SPPL2A: variants seen among roughly 807,000 people sequenced by gnomAD.
The protein encoded by SPPL2A is signal peptide peptidase-like 2A.
Under a neutral mutation model 63.8 loss-of-function variants are expected in SPPL2A, and 51 were observed. The observed-to-expected ratio is 0.80, with a 90% confidence interval of 0.64 to 1.01. The LOEUF (loss-of-function observed/expected upper bound fraction) is 1.01, where lower values mean the gene tolerates loss of function less well. Ranked by LOEUF, SPPL2A falls within the 50% of genes least tolerant of loss-of-function variation. SPPL2A has a pLI of 0.00. For synonymous variants in SPPL2A, 188 were observed against 205.8 expected, an observed-to-expected ratio of 0.91 and a Z score of 0.74; for missense variants, 553 against 622.7, an observed-to-expected ratio of 0.89 and a Z score of 1.19.
At chr15:50,708,904 GCAAGCGCCTGTAGTC>G (rs2062535312) in intron 14 of SPPL2A, among the ~76,000 whole-genome samples, 5 of 151,758 alleles carry the variant, frequency 3.3e-5, no homozygotes, top group Admixed American at 3.3e-4. Context: ...AGGCGTGGTG[GCAAGCGCCTGTAGTC>G]CCAGCTAATT....
intron 12 of SPPL2A, among the ~76,000 whole-genome samples, chr15:50,723,458 T>A (rs1371229278): frequency 6.6e-6 from 1 of 152,056 alleles, no homozygotes; most frequent in Non-Finnish European, 1.5e-5. Flanking sequence ...ATACACAGAC[T>A]GGAATACTAT....
Position 50,736,157 on chromosome 15 carries a change from G to C in SPPL2A, c.876C>G (p.Leu292=). 6.2e-7 allele frequency: 1 copy of C among 1,613,334 alleles called. No homozygotes were observed. Among genetic ancestry groups the C allele is most frequent in the Non-Finnish European group, 8.5e-7 (1 of 1,179,662 alleles). ...CAGCTACTGCTATGCACAGTCCAGA[G>C]AGAAAAATAAGTCTCACTTCCATGT... The part of the protein sequence containing the change: ...GKNMEVRLIF[L]SGLCIAVAVV... The change falls in exon 8 of 15, where the codon CTC becomes CTG. Residue 292 remains leucine, a synonymous_variant. Transcript: ENST00000261854.
At chr15:50,736,230 CT>C (rs761044727) in intron 7 of SPPL2A, 28 bp from the exon 8 acceptor site, 4 of 1,298,314 alleles carry the variant, frequency 3.1e-6, no homozygotes, top group Non-Finnish European at 3.4e-6. Flanking sequence ...ATAGTTAACA[CT>C]GCAGATGAAG....
chr15:50,760,633 T>G (rs962419341), intron 1 of SPPL2A, among the ~76,000 whole-genome samples: 3 of 152,122 alleles, frequency 2.0e-5, no homozygotes, highest in Non-Finnish European at 4.4e-5. Flanking sequence ...AACCTAATGA[T>G]TTCCTGAAGG....
intron 8 of SPPL2A, among the ~76,000 whole-genome samples, chr15:50,733,903 G>T (rs775795185): frequency 3.3e-5 from 5 of 151,964 alleles, no homozygotes; most frequent in Admixed American, 6.6e-5. Flanking sequence ...ACAGATATAT[G>T]AAAAAATGCT....
chr15:50,741,879 T>G (rs975625774), intron 5 of SPPL2A, among the ~76,000 whole-genome samples: 14 of 151,498 alleles, frequency 9.2e-5, no homozygotes, highest in African/African-American at 3.4e-4. Context: ...GGCAGCAGAA[T>G]CGCTTGAACC....
chr15:50,753,497 G>A (rs1046832814), intron 1 of SPPL2A, among the ~76,000 whole-genome samples: 7 of 152,152 alleles, frequency 4.6e-5, no homozygotes, highest in Non-Finnish European at 8.8e-5. Flanking sequence ...AGGATACAAT[G>A]CTAGTTTCAT....
intron 13 of SPPL2A, among the ~76,000 whole-genome samples, chr15:50,721,320 C>CGTG (rs2062644578): frequency 6.6e-6 from 1 of 152,208 alleles, no homozygotes; most frequent in African/African-American, 2.4e-5. Flanking sequence ...AGGCATGAGC[C>CGTG]ACCACGTCTG....
chr15:50,739,370 A>G (rs1453689955), intron 6 of SPPL2A, among the ~76,000 whole-genome samples: 2 of 151,582 alleles, frequency 1.3e-5, no homozygotes. Flanking sequence ...GTATAGATGG[A>G]GTTTCTCCAT....
intron 5 of SPPL2A, among the ~76,000 whole-genome samples, chr15:50,744,495 GCA>G (rs1330546110): frequency 6.6e-6 from 1 of 152,032 alleles, no homozygotes; most frequent in African/African-American, 2.4e-5. Flanking sequence ...TATGCTCTGG[GCA>G]CATTTTTTTC....
At chr15:50,710,684 T>C (rs969759316) in intron 14 of SPPL2A, among the ~76,000 whole-genome samples, 2 of 152,210 alleles carry the variant, frequency 1.3e-5, no homozygotes, top group African/African-American at 2.4e-5. Context: ...AATAGTCTAA[T>C]AAAACACTCA....
intron 1 of SPPL2A, among the ~76,000 whole-genome samples, chr15:50,763,912 C>T (rs2063035272): frequency 6.6e-6 from 1 of 151,908 alleles, no homozygotes; most frequent in African/African-American, 2.4e-5. Context: ...AAAACAAAAA[C>T]AACAACAAAA....
intron 14 of SPPL2A, among the ~76,000 whole-genome samples, chr15:50,709,600 G>A (rs2062541101): frequency 6.6e-6 from 1 of 152,022 alleles, no homozygotes; most frequent in African/African-American, 2.4e-5. Flanking sequence ...GACCAGCCTG[G>A]CCAACATGGT....
At chr15:50,710,845 G>A (rs10519284) in intron 14 of SPPL2A, among the ~76,000 whole-genome samples, 14,610 of 152,178 alleles carry the variant, frequency 0.096, 792 homozygotes, top group South Asian at 0.15. Context: ...TGTTTACTGG[G>A]TATCACAAAC....
intron 1 of SPPL2A, among the ~76,000 whole-genome samples, chr15:50,764,197 A>G (rs2063038030): frequency 6.6e-6 from 1 of 152,232 alleles, no homozygotes; most frequent in Non-Finnish European, 1.5e-5. Flanking sequence ...ATGAATGCAA[A>G]AACACTTTGA....
intron 6 of SPPL2A, among the ~76,000 whole-genome samples, chr15:50,738,161 G>C (rs1456771403): frequency 6.6e-6 from 1 of 151,988 alleles, no homozygotes; most frequent in Admixed American, 6.6e-5. Context: ...TCCAGCCTGG[G>C]TGACAGAGCA....
chr15:50,728,615 G>C (rs2141032308), intron 10 of SPPL2A, among the ~76,000 whole-genome samples: 1 of 148,394 alleles, frequency 6.7e-6, no homozygotes, highest in South Asian at 2.1e-4. Flanking sequence ...CGAAGTGCTG[G>C]GATTACAGGC....
chr15:50,758,434 G>A (rs1443374129), intron 1 of SPPL2A, among the ~76,000 whole-genome samples: 5 of 150,720 alleles, frequency 3.3e-5, no homozygotes, highest in African/African-American at 1.2e-4. Context: ...CCAGGTTCAC[G>A]CCATTCTCCT....
At chr15:50,722,599 G>A (rs890719427) in intron 12 of SPPL2A, among the ~76,000 whole-genome samples, 1 of 152,108 alleles carries the variant, frequency 6.6e-6, no homozygotes, top group Non-Finnish European at 1.5e-5. Flanking sequence ...TGGGACTACA[G>A]GCGCGTGCCA....
Sources: gnomAD v4.1 joint callset for allele counts (sites outside exome capture counted in the v4.1 genomes callset) on GRCh38, gnomAD v4.1.1 for gene constraint, MANE v1.5 for transcripts, NCBI Gene and HGNC (gene_info 2026-07-23, HGNC 2026-07-21) for gene names.